PBX1: variants seen among roughly 807,000 people sequenced by gnomAD.
The protein encoded by PBX1 is PBX homeobox 1, also known as pre-B-cell leukemia transcription factor 1.
PBX1 carries 6 observed loss-of-function variants against 53.4 expected under a neutral mutation model. The ratio of observed to expected loss-of-function variants is 0.11; its 90% CI spans 0.06 to 0.22. PBX1 has a LOEUF of 0.22. PBX1 is among the 10% of genes least tolerant of loss of function. The pLI, the probability that PBX1 is intolerant of heterozygous loss-of-function variation, is 1.00. For missense variants in PBX1, 251 were observed against 551.4 expected (o/e 0.46, Z 5.46); for synonymous variants, 204 against 212.3 (o/e 0.96, Z 0.34).
At chr1:164,723,081 C>T (rs1196813987) in intron 2 of PBX1, among the ~76,000 whole-genome samples, 3 of 152,216 alleles carry the variant, frequency 2.0e-5, no homozygotes, top group East Asian at 1.9e-4. Flanking sequence ...TTTATAAATG[C>T]GAGGATGGTG....
In PBX1 at chr1:164,618,504, G is replaced by C. The variant is rs932686795; in HGVS notation, c.265+55193G>C. On this transcript the variant is annotated intron_variant, in intron 2 of 8. Transcript: ENST00000420696. ...CTGATAATTTGGAAAATAAATGAAA[G>C]AGTGGAAGATAAATTTTTATTTTCC... 2.0e-5 allele frequency among the ~76,000 whole-genome samples: 3 copies of C among 152,204 alleles called. No homozygotes were observed. In the East Asian group the frequency reaches 5.8e-4, roughly 29 times the overall value.
At chr1:164,879,126 A>G (rs1268864077) in intron 2 of PBX1, among the ~76,000 whole-genome samples, 2 of 152,230 alleles carry the variant, frequency 1.3e-5, no homozygotes, top group Non-Finnish European at 1.5e-5. Flanking sequence ...AAATTCAACT[A>G]TACCTTTGGT....
intron 2 of PBX1, among the ~76,000 whole-genome samples, chr1:164,706,189 G>A (rs1414812196): frequency 6.6e-6 from 1 of 152,096 alleles, no homozygotes; most frequent in African/African-American, 2.4e-5. Context: ...CATATACTGT[G>A]TGTCTTTTCA....
intron 2 of PBX1, among the ~76,000 whole-genome samples, chr1:164,635,832 T>C (rs912977638): frequency 1.3e-5 from 2 of 152,226 alleles, no homozygotes; most frequent in African/African-American, 4.8e-5. Context: ...TAAGGTTCGT[T>C]AGGATGCAGC....
chr1:164,709,311 A>G (rs1320956685), intron 2 of PBX1, among the ~76,000 whole-genome samples: 1 of 152,236 alleles, frequency 6.6e-6, no homozygotes, highest in Non-Finnish European at 1.5e-5. Context: ...AAATAGGCCC[A>G]GTTGCTTATT....
rs745449024 is a variant in PBX1 at position 164,727,623 on chromosome 1, G to A, written c.266-64871G>A. Among the ~76,000 whole-genome samples, 9 of 152,168 alleles carry A rather than the reference G, an allele frequency of 5.9e-5. 1 individual carries two copies. Among genetic ancestry groups the A allele is most frequent in the African/African-American group, 1.2e-4 (5 of 41,450 alleles). Reference sequence around the variant, plus strand: ...AGTTGATTTGGGGCAAAAGGCAACCGTCCCCATGCACTAGAGATGAATCAT... The same window carrying A: ...AGTTGATTTGGGGCAAAAGGCAACCATCCCCATGCACTAGAGATGAATCAT... On this transcript the variant is annotated intron_variant, in intron 2 of 8. Transcript: ENST00000420696.
At chr1:164,690,957 G>A (rs941329344) in intron 2 of PBX1, among the ~76,000 whole-genome samples, 2 of 150,756 alleles carry the variant, frequency 1.3e-5, no homozygotes, top group Non-Finnish European at 3.0e-5. Flanking sequence ...AAATGCAGGG[G>A]GTTCTGAAGG....
chr1:164,867,976 T>G (rs1403606948), intron 2 of PBX1, among the ~76,000 whole-genome samples: 3 of 152,218 alleles, frequency 2.0e-5, no homozygotes, highest in Non-Finnish European at 4.4e-5. Context: ...AATACCCGTC[T>G]AAATATCACA....
At chr1:164,876,591 G>A (rs1384390512) in intron 2 of PBX1, among the ~76,000 whole-genome samples, 5 of 152,036 alleles carry the variant, frequency 3.3e-5, no homozygotes, top group Non-Finnish European at 5.9e-5. Context: ...CTGTGACCCA[G>A]ACACTGTGCT....
chr1:164,863,172 C>T (rs956568717), intron 2 of PBX1, among the ~76,000 whole-genome samples: 3 of 152,242 alleles, frequency 2.0e-5, no homozygotes, highest in Non-Finnish European at 2.9e-5. Flanking sequence ...CAACAGCAAT[C>T]CCCAGCCATG....
intron 2 of PBX1, among the ~76,000 whole-genome samples, chr1:164,614,914 C>T (rs1657169815): frequency 6.6e-6 from 1 of 152,162 alleles, no homozygotes; most frequent in Non-Finnish European, 1.5e-5. Context: ...GCTGGGACTA[C>T]AGGAGCCTGT....
At position 164,849,067 on chromosome 1, in the gene PBX1, G is replaced by A. The variant is rs1327870372; in HGVS notation, c.*2391G>A. On this transcript the variant is annotated 3_prime_UTR_variant, in exon 9 of 9. Coordinates refer to ENST00000420696, the MANE Select transcript of PBX1 (RefSeq NM_002585.4). The stretch of plus-strand genomic sequence containing the variant: ...GTGGAGAACTCCATCTTAGTGGCAG[G>A]AATATAATGAAACTACCCACGCAAG... 7.7e-7 allele frequency: 1 copy of A among 1,293,278 alleles called. No homozygotes were observed. Among genetic ancestry groups the A allele is most frequent in the South Asian group, 2.0e-5 (1 of 49,306 alleles). The allele number at this position is 1,293,278 out of a possible 1,614,324, so 80.1% of individuals were successfully genotyped here.
At chr1:164,852,311 T>C (rs1178273521), downstream of PBX1, among the ~76,000 whole-genome samples, 2 of 152,192 alleles carry the variant, frequency 1.3e-5, no homozygotes, top group East Asian at 3.9e-4. Context: ...AGGAGTGTGA[T>C]AGATGTTACT....
In PBX1 at chr1:164,571,674, A is replaced by G. The variant is rs534177190; in HGVS notation, c.265+8363A>G. On this transcript the variant is annotated intron_variant, in intron 2 of 8. Transcript: ENST00000420696. ...TTTGACTATTATGAATAATACTGCT[A>G]TGAACATTTGCTTACAGGTTTTTAT... Among the ~76,000 whole-genome samples, 9 of 151,868 alleles carry G rather than the reference A, an allele frequency of 5.9e-5. No homozygotes were observed. In the East Asian group the frequency reaches 1.5e-3, roughly 26 times the overall value.
intron 2 of PBX1, among the ~76,000 whole-genome samples, chr1:164,712,709 C>A (rs1186908758): frequency 3.3e-5 from 5 of 152,130 alleles, no homozygotes; most frequent in African/African-American, 1.2e-4. Context: ...TGAGGGAAAA[C>A]ACGTGCAGGT....
intron 2 of PBX1, among the ~76,000 whole-genome samples, chr1:164,710,054 C>A (rs1686175): frequency 0.98 from 149,808 of 152,294 alleles, 73,727 homozygotes; most frequent in Middle Eastern, 1. Flanking sequence ...GAATCATAGA[C>A]TTGTTTTGAG....
intron 2 of PBX1, among the ~76,000 whole-genome samples, chr1:164,773,241 G>GCACACACACACACACACA (rs746140319): frequency 0.014 from 1,918 of 135,236 alleles, 40 homozygotes; most frequent in East Asian, 0.038. Flanking sequence ...TAGGTAACAC[G>GCACACACACACACACACA]CGCACACACA....
intron 2 of PBX1, among the ~76,000 whole-genome samples, chr1:164,713,110 A>G (rs956068092): frequency 6.6e-6 from 1 of 152,174 alleles, no homozygotes; most frequent in Non-Finnish European, 1.5e-5. Context: ...CAGAGGTCCC[A>G]CCAAGTCATT....
At chr1:164,649,410 T>C (rs1465759949) in intron 2 of PBX1, among the ~76,000 whole-genome samples, 2 of 152,186 alleles carry the variant, frequency 1.3e-5, no homozygotes, top group Non-Finnish European at 2.9e-5. Context: ...GAGAATACTT[T>C]TGTTGGGAGT....
Sources: allele counts gnomAD v4.1 joint callset (sites outside exome capture counted in the v4.1 genomes callset), GRCh38; gene constraint gnomAD v4.1.1; transcripts MANE v1.5; gene names NCBI Gene and HGNC (gene_info 2026-07-23, HGNC 2026-07-21).